The following THSD7B variants were observed in gnomAD, a reference collection of about 807,000 sequenced individuals.
The protein encoded by THSD7B is thrombospondin type 1 domain containing 7B.
THSD7B carries 138 observed loss-of-function variants against 213.6 expected under a neutral mutation model. The ratio of observed to expected loss-of-function variants is 0.65; its 90% CI spans 0.56 to 0.74. THSD7B has a LOEUF of 0.74. Among genes scored for constraint, THSD7B ranks in the 30% least tolerant of loss-of-function variants. The pLI is 0.00. For synonymous variants in THSD7B, 742 were observed against 687.0 expected (o/e 1.08, Z -1.25); for missense variants, 1,931 against 1,991.5 (o/e 0.97, Z 0.58).
At chr2:137,026,209 G>T (rs1282736755) in intron 2 of THSD7B, among the ~76,000 whole-genome samples, 1 of 152,186 alleles carries the variant, frequency 6.6e-6, no homozygotes, top group Non-Finnish European at 1.5e-5. Context: ...AGGGCCAGCG[G>T]TGGAGACTTT....
At chr2:136,979,394 T>C (rs572629055) in intron 2 of THSD7B, among the ~76,000 whole-genome samples, 5 of 152,300 alleles carry the variant, frequency 3.3e-5, no homozygotes, top group Admixed American at 3.3e-4. Context: ...ATTTTTCAAT[T>C]TCGTCCTGTT....
intron 2 of THSD7B, among the ~76,000 whole-genome samples, chr2:136,901,597 T>TA (rs1684064249): frequency 1.3e-5 from 2 of 152,210 alleles, no homozygotes; most frequent in Admixed American, 6.5e-5. Flanking sequence ...GGTTAAATTT[T>TA]AAAAAATTAT....
intron 2 of THSD7B, among the ~76,000 whole-genome samples, chr2:136,956,040 A>G (rs1685118527): frequency 6.6e-6 from 1 of 151,526 alleles, no homozygotes; most frequent in South Asian, 2.1e-4. Flanking sequence ...AAAAAAAGAA[A>G]AAAAAAAAAA....
intron 2 of THSD7B, among the ~76,000 whole-genome samples, chr2:136,958,141 A>C (rs1239954082): frequency 2.0e-5 from 3 of 152,206 alleles, no homozygotes; most frequent in Non-Finnish European, 4.4e-5. Context: ...ATGAGGATAT[A>C]AGGAGAGATA....
At chr2:137,587,189 G>A (rs914049587) in intron 17 of THSD7B, among the ~76,000 whole-genome samples, 2 of 152,060 alleles carry the variant, frequency 1.3e-5, no homozygotes, top group African/African-American at 4.8e-5. Context: ...ACCTCCATCA[G>A]GTCCTTTAAG....
At chr2:137,443,039 G>A (rs186602279) in intron 14 of THSD7B, among the ~76,000 whole-genome samples, 28 of 152,228 alleles carry the variant, frequency 1.8e-4, no homozygotes, top group African/African-American at 5.5e-4. Context: ...TTGCAGTAAT[G>A]GGAAAAATAG....
At chr2:137,560,117 T>G (rs1295130747) in intron 15 of THSD7B, among the ~76,000 whole-genome samples, 1 of 146,326 alleles carries the variant, frequency 6.8e-6, no homozygotes, top group Non-Finnish European at 1.5e-5. Flanking sequence ...TTGGTGGGAC[T>G]GTAAACTGGT....
intron 1 of THSD7B, among the ~76,000 whole-genome samples, chr2:136,765,938 C>T (rs1016438476): frequency 6.6e-6 from 1 of 152,222 alleles, no homozygotes; most frequent in African/African-American, 2.4e-5. Flanking sequence ...CGGAGACCCT[C>T]TAGGCGGGCG....
At chr2:136,982,309 G>GT (rs1234610374) in intron 2 of THSD7B, among the ~76,000 whole-genome samples, 1 of 4,232 alleles carries the variant, frequency 2.4e-4, no homozygotes, top group South Asian at 0.026. Context: ...TGCTATGTGA[G>GT]CAAATTGTAC....
intron 2 of THSD7B, among the ~76,000 whole-genome samples, chr2:136,883,128 A>G (rs1053050803): frequency 3.3e-5 from 5 of 152,092 alleles, no homozygotes; most frequent in African/African-American, 1.2e-4. Context: ...TCAAATACTG[A>G]TAACTTATAT....
chr2:137,247,897 TTTCCAAAATAA>T (rs1682076409), intron 10 of THSD7B, among the ~76,000 whole-genome samples: 1 of 152,204 alleles, frequency 6.6e-6, no homozygotes, highest in African/African-American at 2.4e-5. Context: ...AATTTCTTCC[TTTCCAAAATAA>T]GGTAATATTA....
intron 5 of THSD7B, among the ~76,000 whole-genome samples, chr2:137,139,646 C>T (rs1170920863): frequency 6.6e-6 from 1 of 152,192 alleles, no homozygotes; most frequent in South Asian, 2.1e-4. Flanking sequence ...GCCATTGGGC[C>T]AGGATTTTTG....
intron 2 of THSD7B, among the ~76,000 whole-genome samples, chr2:136,890,355 CTTCTTCTTCTTCTTCTTCT>C (rs1683803005): frequency 3.7e-4 from 2 of 5,336 alleles, no homozygotes; most frequent in African/African-American, 1.2e-3. Context: ...TCTTCTTCTT[CTTCTTCTTCTTCTTCTTCT>C]TCCTCTTCCT....
At chr2:137,014,210 C>A (rs1383206325) in intron 2 of THSD7B, among the ~76,000 whole-genome samples, 2 of 152,166 alleles carry the variant, frequency 1.3e-5, no homozygotes, top group Non-Finnish European at 2.9e-5. Flanking sequence ...GCAACTCCTT[C>A]AGGATGGTGA....
intron 12 of THSD7B, among the ~76,000 whole-genome samples, 162 bp from the exon 13 acceptor site, chr2:137,405,451 T>G (rs544533378): frequency 6.6e-6 from 1 of 152,266 alleles, no homozygotes; most frequent in East Asian, 1.9e-4. Flanking sequence ...CAATAAAAAT[T>G]TAATTTCCAG....
intron 17 of THSD7B, among the ~76,000 whole-genome samples, chr2:137,580,641 T>C (rs1471726429): frequency 2.0e-5 from 3 of 152,212 alleles, no homozygotes. Context: ...GTTCTCATGT[T>C]GCTGTAAAGA....
intron 7 of THSD7B, among the ~76,000 whole-genome samples, chr2:137,197,433 A>G (rs554481250): frequency 5.9e-5 from 9 of 152,354 alleles, no homozygotes; most frequent in African/African-American, 2.2e-4. Context: ...AGTAAAAAAT[A>G]AAAATAAATA....
intron 7 of THSD7B, among the ~76,000 whole-genome samples, chr2:137,174,733 A>G (rs562364459): frequency 6.6e-6 from 1 of 152,288 alleles, no homozygotes; most frequent in African/African-American, 2.4e-5. Context: ...TTGGAATCTG[A>G]TTTCCGAGTC....
At chr2:137,446,525 T>C (rs894871131) in intron 14 of THSD7B, among the ~76,000 whole-genome samples, 1 of 152,048 alleles carries the variant, frequency 6.6e-6, no homozygotes, top group Non-Finnish European at 1.5e-5. Context: ...TTATCTGTAA[T>C]AGGATTTTTT....
Sources: allele counts gnomAD v4.1 joint callset (sites outside exome capture counted in the v4.1 genomes callset), GRCh38; gene constraint gnomAD v4.1.1; transcripts MANE v1.5; gene names NCBI Gene and HGNC (gene_info 2026-07-23, HGNC 2026-07-21).